TF: variants seen among roughly 807,000 people sequenced by gnomAD.
The protein encoded by TF is transferrin.
In TF, 55 loss-of-function variants were observed where a neutral mutation model predicts 82.4. The ratio of observed to expected loss-of-function variants is 0.67; its 90% CI spans 0.54 to 0.84. The LOEUF is 0.84. TF is among the 40% of genes least tolerant of loss of function. The probability of loss-of-function intolerance (pLI) is 0.00; values close to 1 mark genes in which losing one functional copy is unlikely to be tolerated. For missense variants in TF, 737 were observed against 868.4 expected (o/e 0.85, Z 1.90); for synonymous variants, 332 against 332.6 (o/e 1.00, Z 0.02).
intron 12 of TF, 125 bp from the exon 13 acceptor site, chr3:133,767,904 T>C: frequency 8.0e-7 from 1 of 1,249,532 alleles, no homozygotes; most frequent in Non-Finnish European, 1.2e-6. Flanking sequence ...GGGTTGGTGG[T>C]GGCTGGTCAC....
the TF span, chr3:133,709,989 G>A: frequency 6.6e-6 from 1 of 152,400 alleles, no homozygotes; most frequent in African/African-American, 2.4e-5. Flanking sequence ...GAGCGCGAGT[G>A]TGTTGTTTTC....
chr3:133,697,356 A>T, the TF span, among the ~76,000 whole-genome samples: 1 of 152,194 alleles, frequency 6.6e-6, no homozygotes, highest in Non-Finnish European at 1.5e-5. Context: ...CACAATTTTA[A>T]TTAGTGGGGT....
the TF span, among the ~76,000 whole-genome samples, chr3:133,683,006 C>T: frequency 3.0e-4 from 45 of 152,304 alleles, no homozygotes; most frequent in East Asian, 4.4e-3. Flanking sequence ...GCTGATCTCG[C>T]GGCAGAAACT....
At chr3:133,668,280 C>T in the TF span, among the ~76,000 whole-genome samples, 8 of 152,198 alleles carry the variant, frequency 5.3e-5, no homozygotes, top group Non-Finnish European at 1.0e-4. Context: ...GAAAGTCATA[C>T]AGCCCCAAGG....
chr3:133,736,631 C>CAAAAAAAAAAA, the TF span, among the ~76,000 whole-genome samples: 43 of 32,552 alleles, frequency 1.3e-3, 2 homozygotes, highest in South Asian at 2.4e-3. Flanking sequence ...AATGGAAAGC[C>CAAAAAAAAAAA]AAAAAAAAAA....
At chr3:133,693,996 C>T in the TF span, among the ~76,000 whole-genome samples, 2 of 152,114 alleles carry the variant, frequency 1.3e-5, no homozygotes, top group Admixed American at 6.5e-5. Context: ...TGCCTAAACC[C>T]GCAGGGACCC....
chr3:133,755,840 C>T, intron 5 of TF: 1 of 454,404 alleles, frequency 2.2e-6, no homozygotes, highest in Non-Finnish European at 4.1e-6. Context: ...GCCCTCTTCC[C>T]TCAATCTCAG....
the TF span, among the ~76,000 whole-genome samples, chr3:133,707,190 T>TCACACACACACACACA: frequency 6.8e-4 from 99 of 144,714 alleles, no homozygotes; most frequent in African/African-American, 1.6e-3. Flanking sequence ...AACCTCAGAG[T>TCACACACACACACACA]CACACACACA....
At chr3:133,735,596 T>C in the TF span, among the ~76,000 whole-genome samples, 2 of 152,096 alleles carry the variant, frequency 1.3e-5, no homozygotes, top group African/African-American at 4.8e-5. Context: ...ATAATCAGTT[T>C]GAAGAAGGAC....
chr3:133,753,919 C>T (rs923800136), intron 3 of TF: 1 of 635,344 alleles, frequency 1.6e-6, no homozygotes, highest in African/African-American at 1.8e-5. Flanking sequence ...AAACTGAGCC[C>T]TGGGCCAGGG....
At chr3:133,698,081 G>T in the TF span, among the ~76,000 whole-genome samples, 1 of 152,214 alleles carries the variant, frequency 6.6e-6, no homozygotes, top group African/African-American at 2.4e-5. Flanking sequence ...CCAGCTGGAG[G>T]CCTCTAAACA....
In TF at chr3:133,755,700, T is replaced by A. The variant is rs1933807238; in HGVS notation, c.635+205T>A. On this transcript the variant is annotated intron_variant, in intron 5 of 16. Transcript: ENST00000402696. Reference sequence around the variant, plus strand: ...CTTTCATCTGACCCTGACAAGTAGGTCCTTTTCCTGGGGACCCTTCCTTTC... The same window carrying A: ...CTTTCATCTGACCCTGACAAGTAGGACCTTTTCCTGGGGACCCTTCCTTTC... 5 of 661,926 alleles carry A rather than the reference T, an allele frequency of 7.6e-6. No homozygotes were observed. In the Admixed American group the frequency reaches 1.0e-4, roughly 14 times the overall value. The allele number at this position is 661,926 out of a possible 1,614,324, so 41.0% of individuals were successfully genotyped here. A position where few individuals can be genotyped will look rare whatever the true frequency, so the allele number is the denominator to read the frequency against.
the TF span, among the ~76,000 whole-genome samples, chr3:133,705,209 G>A: frequency 1.3e-5 from 2 of 151,792 alleles, no homozygotes; most frequent in East Asian, 1.9e-4. Flanking sequence ...GGGAGGCAGA[G>A]GTTGCAGTGA....
Position 133,757,828 on chromosome 3 carries a change from G to A in TF, c.930G>A (p.Lys310=). Residue 310 remains lysine (K), a synonymous_variant, in exon 8 of 17, where the codon AAG becomes AAA. Transcript: ENST00000402696. ...EFQLFSSPHG[K]DLLFKDSAHG... Reference sequence around the variant, plus strand: ...AACTATTCAGCTCTCCTCATGGGAAGGACCTGCTGTTTAAGGACTCTGCCC... The same window carrying A: ...AACTATTCAGCTCTCCTCATGGGAAAGACCTGCTGTTTAAGGACTCTGCCC... The A allele has an allele frequency of 6.2e-7, 1 of 1,614,230 alleles. No homozygotes were observed. The highest frequency in any genetic ancestry group is 8.5e-7 in the Non-Finnish European group (1 of 1,180,040).
chr3:133,712,292 A>AC, the TF span, among the ~76,000 whole-genome samples: 2 of 152,066 alleles, frequency 1.3e-5, no homozygotes, highest in South Asian at 2.1e-4. Context: ...CTGTGATGGC[A>AC]CACCTTGTGA....
upstream of TF, among the ~76,000 whole-genome samples, chr3:133,742,730 C>G (rs1023358315): frequency 2.0e-5 from 3 of 152,200 alleles, no homozygotes; most frequent in Non-Finnish European, 4.4e-5. Flanking sequence ...TCAAAACAGA[C>G]AGAGGCTCTT....
intron 9 of TF, 91 bp downstream of exon 9, chr3:133,759,420 T>A (rs902503200): frequency 6.5e-7 from 1 of 1,536,082 alleles, no homozygotes; most frequent in African/African-American, 1.4e-5. Context: ...CTGGGAATGA[T>A]GCAAAAACCT....
chr3:133,666,649 C>A, the TF span, among the ~76,000 whole-genome samples: 2 of 152,114 alleles, frequency 1.3e-5, no homozygotes, highest in South Asian at 2.1e-4. Context: ...ACATTCTATT[C>A]TATGTGGGTT....
Position 133,784,508 on chromosome 3 carries a change from A to AATAATG in TF, c.*5888_*5889insATAATG, listed in dbSNP as rs1559882894. 1 of 151,056 alleles carries AATAATG rather than the reference A, an allele frequency of 6.6e-6. No individual in the cohort carries two copies. The highest frequency in any genetic ancestry group is 2.4e-5 in the African/African-American group (1 of 41,154). The allele number at this position is 151,056 out of a possible 1,614,324, so 9.4% of individuals were successfully genotyped here. A position where few individuals can be genotyped will look rare whatever the true frequency, so the allele number is the denominator to read the frequency against. ...TAATAATAATAATAATAATAATAAT[A>AATAATG]GGACATAAATGGCTTCTGGAGATGA... is the stretch of plus-strand genomic sequence containing the variant. On this transcript the variant is annotated 3_prime_UTR_variant, in exon 17 of 17. Transcript: ENST00000402696.
Sources: allele counts gnomAD v4.1 joint callset (sites outside exome capture counted in the v4.1 genomes callset), GRCh38; gene constraint gnomAD v4.1.1; transcripts MANE v1.5; gene names NCBI Gene and HGNC (gene_info 2026-07-23, HGNC 2026-07-21).